Variants in ITIH5 observed in about 807,000 individuals in gnomAD.
ITIH5 encodes the protein inter-alpha-trypsin inhibitor heavy chain 5.
Under a neutral mutation model 77.5 loss-of-function variants are expected in ITIH5, and 65 were observed. The ratio of observed to expected loss-of-function variants is 0.84; its 90% CI spans 0.69 to 1.03. The LOEUF (loss-of-function observed/expected upper bound fraction) is 1.03, where lower values mean the gene tolerates loss of function less well. Ranked by LOEUF, ITIH5 falls within the 50% of genes least tolerant of loss-of-function variation. The probability of loss-of-function intolerance (pLI) is 0.00; values close to 1 mark genes in which losing one functional copy is unlikely to be tolerated. For synonymous variants in ITIH5, 525 were observed against 494.3 expected (o/e 1.06, Z -0.82); for missense variants, 1,208 against 1,213.1 (o/e 1.00, Z 0.06).
chr10:7,595,625 C>T (rs1037533056), intron 7 of ITIH5, among the ~76,000 whole-genome samples: 1 of 152,216 alleles, frequency 6.6e-6, no homozygotes, highest in Non-Finnish European at 1.5e-5. Flanking sequence ...CTTAGAAGTC[C>T]ATTCCAGCTC....
chr10:7,559,862 G>GA lies in ITIH5; in HGVS notation c.*3220_*3221insT. 2.5e-6 allele frequency: 1 copy of GA among 406,474 alleles called. No individual in the cohort carries two copies. Among genetic ancestry groups the GA allele is most frequent in the Middle Eastern group, 4.1e-4 (1 of 2,426 alleles). The allele number at this position is 406,474 out of a possible 1,614,324, so 25.2% of individuals were successfully genotyped here. A position where few individuals can be genotyped will look rare whatever the true frequency, so the allele number is the denominator to read the frequency against. On this transcript the variant is annotated 3_prime_UTR_variant, in exon 14 of 14. Transcript: ENST00000397146. The stretch of plus-strand genomic sequence containing the variant: ...CCATGTCTTTTTTTTGTTTTGTTTT[G>GA]TTTTTTTTTGACGGAGTTTGGCTCT...
intron 1 of ITIH5, among the ~76,000 whole-genome samples, chr10:7,663,854 T>C (rs955271939): frequency 2.0e-5 from 3 of 152,204 alleles, no homozygotes; most frequent in Admixed American, 1.3e-4. Context: ...TTATTGCCTC[T>C]TATTATTTTC....
chr10:7,573,076 C>T (rs1832336881), intron 11 of ITIH5, 66 bp downstream of exon 11: 12 of 1,479,228 alleles, frequency 8.1e-6, no homozygotes, highest in East Asian at 2.3e-5. Flanking sequence ...GTACACCTGG[C>T]CTGGTTTTAC....
intron 10 of ITIH5, among the ~76,000 whole-genome samples, chr10:7,575,619 C>T (rs986371651): frequency 7.2e-5 from 11 of 152,150 alleles, no homozygotes; most frequent in African/African-American, 1.2e-4. Flanking sequence ...AGAATGGCAC[C>T]GGGACTGACT....
chr10:7,600,359 C>T (rs987098045), intron 7 of ITIH5, among the ~76,000 whole-genome samples: 5 of 152,170 alleles, frequency 3.3e-5, no homozygotes, highest in African/African-American at 1.2e-4. Flanking sequence ...ATGCTTCTGT[C>T]TTCTTCTAGG....
intron 5 of ITIH5, among the ~76,000 whole-genome samples, chr10:7,636,275 T>C (rs182446017): frequency 2.9e-3 from 449 of 152,270 alleles, no homozygotes; most frequent in Non-Finnish European, 3.5e-3. Flanking sequence ...TTTGAGAAAA[T>C]TTAAAAATCA....
At chr10:7,571,955 T>C in intron 11 of ITIH5, 1 of 990,014 alleles carries the variant, frequency 1.0e-6, no homozygotes, top group Non-Finnish European at 1.2e-6. Context: ...GACAGTTTTC[T>C]GAGAGTTTCT....
chr10:7,567,265 C>A (rs545634737), intron 12 of ITIH5, among the ~76,000 whole-genome samples: 64 of 151,738 alleles, frequency 4.2e-4, no homozygotes, highest in Non-Finnish European at 8.4e-4. Context: ...TCTTATATGA[C>A]CCTGATACAT....
intron 1 of ITIH5, among the ~76,000 whole-genome samples, chr10:7,664,473 C>T (rs113669773): frequency 0.037 from 5,672 of 151,950 alleles, 198 homozygotes; most frequent in African/African-American, 0.093. Context: ...ATCCCAAACC[C>T]AATGGATCTA....
chr10:7,580,145 G>A (rs1832519896), intron 8 of ITIH5, 81 bp from the exon 9 acceptor site: 10 of 1,225,026 alleles, frequency 8.2e-6, no homozygotes, highest in Non-Finnish European at 1.0e-5. Context: ...TTTTGAGACG[G>A]AGTCTTGCTC....
At chr10:7,637,615 G>T in intron 4 of ITIH5, 137 bp from the exon 5 acceptor site, 1 of 830,842 alleles carries the variant, frequency 1.2e-6, no homozygotes, top group Non-Finnish European at 1.9e-6. Context: ...TGTGGGTCCT[G>T]AGAAAGGAAA....
At chr10:7,641,660 G>A (rs1833888541) in intron 3 of ITIH5, among the ~76,000 whole-genome samples, 2 of 110,026 alleles carry the variant, frequency 1.8e-5, no homozygotes, top group South Asian at 4.0e-4. Context: ...AAGGGAGGGA[G>A]GGAGGGAGGG....
chr10:7,664,509 G>A (rs1381636353), intron 1 of ITIH5, among the ~76,000 whole-genome samples: 2 of 152,010 alleles, frequency 1.3e-5, no homozygotes, highest in Non-Finnish European at 2.9e-5. Context: ...AACTCAGGAA[G>A]CTGAATGTTT....
chr10:7,573,060 G>T (rs1832336259), intron 11 of ITIH5, 82 bp downstream of exon 11: 2 of 1,319,476 alleles, frequency 1.5e-6, no homozygotes, highest in Non-Finnish European at 1.1e-6. Context: ...TTACAGGCGT[G>T]AGCCAGTACA....
intron 2 of ITIH5, among the ~76,000 whole-genome samples, chr10:7,642,948 T>C (rs923376625): frequency 1.3e-5 from 2 of 152,172 alleles, no homozygotes; most frequent in African/African-American, 4.8e-5. Flanking sequence ...AATACACATG[T>C]TGAAGCCCTA....
chr10:7,576,870 T>C lies in ITIH5; in HGVS notation c.1561A>G (p.Arg521Gly). 1 of 1,614,174 alleles carries C rather than the reference T, an allele frequency of 6.2e-7. No individual in the cohort carries two copies. Among genetic ancestry groups the C allele is most frequent in the Non-Finnish European group, 8.5e-7 (1 of 1,180,018 alleles). Residue 521 changes from arginine to glycine, a missense_variant, in exon 10 of 14, where the codon AGG becomes GGG. Arg to Gly is a moderately radical substitution (Grantham distance 125, BLOSUM62 -2). Coordinates refer to ENST00000397146, the MANE Select transcript of ITIH5 (RefSeq NM_030569.7). ...EIIIAGKLVD[R>G]KLDHLHVEVT... ...TCCACGTGCAGGTGATCCAGCTTCC[T>C]GTCCACCAGCTTCCCCGCAATGATG...
intron 1 of ITIH5, 106 bp downstream of exon 1, chr10:7,666,697 G>C (rs944314666): frequency 2.5e-6 from 2 of 813,756 alleles, no homozygotes; most frequent in Non-Finnish European, 3.8e-6. Context: ...TCTGGTGGGG[G>C]CCTGGGAGAC....
At chr10:7,605,713 G>T (rs1254278273) in intron 7 of ITIH5, among the ~76,000 whole-genome samples, 1 of 151,668 alleles carries the variant, frequency 6.6e-6, no homozygotes, top group African/African-American at 2.4e-5. Context: ...ATTTCAATCA[G>T]CCAGCCAAGA....
intron 7 of ITIH5, among the ~76,000 whole-genome samples, chr10:7,588,710 G>C (rs1245124005): frequency 6.6e-6 from 1 of 152,210 alleles, no homozygotes; most frequent in Non-Finnish European, 1.5e-5. Context: ...TCATTAGAAG[G>C]ATGATGATGA....
Sources: allele counts gnomAD v4.1 joint callset (sites outside exome capture counted in the v4.1 genomes callset), GRCh38; gene constraint gnomAD v4.1.1; transcripts MANE v1.5; gene names NCBI Gene and HGNC (gene_info 2026-07-23, HGNC 2026-07-21).